The following ADORA2B variants were observed in gnomAD, a reference collection of about 807,000 sequenced individuals.
ADORA2B encodes adenosine receptor A2b.
Under a neutral mutation model 20.8 loss-of-function variants are expected in ADORA2B, and 18 were observed. The observed-to-expected ratio is 0.87, with a 90% CI of 0.60 to 1.29. The LOEUF is 1.29. Among genes scored for constraint, ADORA2B ranks in the 50% most tolerant of loss-of-function variants. The probability of loss-of-function intolerance (pLI) is 0.00; values close to 1 mark genes in which losing one functional copy is unlikely to be tolerated. For synonymous variants in ADORA2B, 179 were observed against 178.3 expected, an observed-to-expected ratio of 1.00 and a Z score of -0.03; for missense variants, 441 against 422.7, an observed-to-expected ratio of 1.04 and a Z score of -0.38.
At position 15,945,326 on chromosome 17, in the gene ADORA2B, G is replaced by A. The variant is rs1446223473; in HGVS notation, c.78G>A (p.Val26=). The A allele has an allele frequency of 1.9e-6, 3 of 1,597,456 alleles. No homozygotes were observed. The African/African-American group carries it at 4.0e-5, about 21-fold the overall frequency. The change falls in exon 1 of 2, where the codon GTG becomes GTA. Residue 26 remains valine, a synonymous_variant. Coordinates refer to ENST00000304222, the MANE Select transcript of ADORA2B (RefSeq NM_000676.4). ...CCGCGCTTTCGGTGGCGGGCAACGT[G>A]CTGGTGTGCGCCGCGGTGGGCACGG... ...VIAALSVAGN[V]LVCAAVGTAN... is the part of the protein sequence containing the mutation.
chr17:15,888,434 TG>T, the ADORA2B span, among the ~76,000 whole-genome samples: 1 of 127,940 alleles, frequency 7.8e-6, no homozygotes, highest in East Asian at 2.1e-4. Flanking sequence ...CCAAGAATCC[TG>T]GGTAGGCAGT....
intron 1 of ADORA2B, among the ~76,000 whole-genome samples, chr17:15,950,403 G>T (rs751180983): frequency 2.0e-5 from 3 of 152,090 alleles, no homozygotes; most frequent in Non-Finnish European, 2.9e-5. Context: ...ATCAGTACAC[G>T]AATATACCCC....
intron 1 of ADORA2B, among the ~76,000 whole-genome samples, chr17:15,959,091 A>G (rs1970005239): frequency 6.6e-6 from 1 of 152,132 alleles, no homozygotes; most frequent in African/African-American, 2.4e-5. Context: ...TCCTGAGAGG[A>G]GAGATAGGAG....
the ADORA2B span, among the ~76,000 whole-genome samples, chr17:15,902,393 T>C: frequency 6.6e-6 from 1 of 152,128 alleles, no homozygotes; most frequent in East Asian, 1.9e-4. Context: ...TACAAATATT[T>C]CTCCATGTTG....
the ADORA2B span, chr17:15,908,557 C>A: frequency 5.4e-6 from 1 of 183,496 alleles, no homozygotes. Context: ...ACAGCAAGGT[C>A]CTGAACACAG....
the ADORA2B span, among the ~76,000 whole-genome samples, chr17:15,885,314 G>A: frequency 6.2e-4 from 95 of 152,202 alleles, no homozygotes; most frequent in Non-Finnish European, 1.1e-3. Context: ...AAATAGCCAC[G>A]TGTGGCTGCT....
chr17:15,860,195 G>A, the ADORA2B span, among the ~76,000 whole-genome samples: 1 of 152,166 alleles, frequency 6.6e-6, no homozygotes, highest in African/African-American at 2.4e-5. Context: ...AAAAGGGACA[G>A]GAATTGCTTA....
intron 1 of ADORA2B, among the ~76,000 whole-genome samples, chr17:15,950,249 C>A (rs1016682235): frequency 2.6e-5 from 4 of 152,166 alleles, no homozygotes; most frequent in Non-Finnish European, 1.5e-5. Context: ...AGGATGGCCA[C>A]CAGAAGCTGG....
the ADORA2B span, among the ~76,000 whole-genome samples, chr17:15,923,403 ATATAT>A: frequency 2.0e-4 from 25 of 123,138 alleles, no homozygotes; most frequent in South Asian, 5.0e-4. Context: ...ATATATATAT[ATATAT>A]TTTTTTTTTC....
At chr17:15,967,820 C>T (rs1052371816) in intron 1 of ADORA2B, among the ~76,000 whole-genome samples, 3 of 152,200 alleles carry the variant, frequency 2.0e-5, no homozygotes, top group Non-Finnish European at 2.9e-5. Context: ...ACCTTTTCGT[C>T]GTAGCCCTTT....
the ADORA2B span, among the ~76,000 whole-genome samples, chr17:15,856,645 G>T: frequency 2.6e-5 from 4 of 152,226 alleles, no homozygotes; most frequent in South Asian, 2.1e-4. Flanking sequence ...ATGAAGTCCA[G>T]GGTGAGGTGG....
rs565290635 is a variant in ADORA2B at position 15,961,280 on chromosome 17, A to G, written c.336-13399A>G. Among the ~76,000 whole-genome samples the G allele has an allele frequency of 1.1e-3, 137 of 120,750 alleles. 3 individuals are homozygous for G. The East Asian group carries it at 0.022, about 19-fold the overall frequency. 79.2% of individuals were successfully genotyped at this position (120,750 alleles called of 152,430 possible). On this transcript the variant is annotated intron_variant, in intron 1 of 1. Transcript: ENST00000304222. ...AACAGAGTGAGACCTTTTCTTGGGG[A>G]AAAAAAAAAAAAATTAACATTTTTG...
At chr17:15,967,390 A>C (rs1970134245) in intron 1 of ADORA2B, among the ~76,000 whole-genome samples, 1 of 151,526 alleles carries the variant, frequency 6.6e-6, no homozygotes, top group Admixed American at 6.6e-5. Flanking sequence ...GCGCCAACAC[A>C]CTCGGCTAAT....
chr17:15,874,068 GTATA>G, the ADORA2B span, among the ~76,000 whole-genome samples: 6 of 73,048 alleles, frequency 8.2e-5, no homozygotes, highest in East Asian at 3.3e-4. Context: ...ATGTGTGTGT[GTATA>G]TATATATATG....
At chr17:15,882,777 G>A in the ADORA2B span, among the ~76,000 whole-genome samples, 1 of 151,918 alleles carries the variant, frequency 6.6e-6, no homozygotes, top group Non-Finnish European at 1.5e-5. Context: ...CCTCCTTCTG[G>A]AGACTGAGGG....
the ADORA2B span, among the ~76,000 whole-genome samples, chr17:15,903,598 A>G: frequency 3.6e-4 from 55 of 152,040 alleles, 1 homozygote; most frequent in South Asian, 0.011. Context: ...TCCCCACCCT[A>G]GCATCTCACT....
the ADORA2B span, among the ~76,000 whole-genome samples, chr17:15,886,790 G>T: frequency 7.7e-6 from 1 of 130,698 alleles, no homozygotes; most frequent in East Asian, 2.1e-4. Flanking sequence ...AGGGAATCAT[G>T]TGGGTCCTGA....
chr17:15,962,798 A>G (rs942884756), intron 1 of ADORA2B, among the ~76,000 whole-genome samples: 1 of 152,230 alleles, frequency 6.6e-6, no homozygotes, highest in Non-Finnish European at 1.5e-5. Flanking sequence ...GATTACAGGC[A>G]TGAGCCACCG....
the ADORA2B span, among the ~76,000 whole-genome samples, chr17:15,924,747 A>C: frequency 8.4e-5 from 11 of 130,760 alleles, 1 homozygote; most frequent in African/African-American, 4.2e-4. Context: ...CTCAAAAAAA[A>C]AAAAGTTAAG....
Sources: gnomAD v4.1 joint callset for allele counts (sites outside exome capture counted in the v4.1 genomes callset) on GRCh38, gnomAD v4.1.1 for gene constraint, MANE v1.5 for transcripts, NCBI Gene and HGNC (gene_info 2026-07-23, HGNC 2026-07-21) for gene names.